Variants in RP1 observed in about 807,000 individuals in gnomAD.
RP1 encodes the protein RP1 axonemal microtubule associated, also known as oxygen-regulated protein 1.
RP1 carries 16 observed loss-of-function variants against 14.8 expected under a neutral mutation model. The ratio of observed to expected loss-of-function variants is 1.08; its 90% CI spans 0.73 to 1.65. The LOEUF (loss-of-function observed/expected upper bound fraction) is 1.65. Ranked by LOEUF, RP1 falls within the 40% of genes most tolerant of loss-of-function variation. RP1 has a pLI of 0.00. For missense variants in RP1, 2,631 were observed against 2,535.0 expected (o/e 1.04, Z -0.81); for synonymous variants, 876 against 883.6 (o/e 0.99, Z 0.15).
At chr8:54,611,915 A>C, upstream of RP1, among the ~76,000 whole-genome samples, 1 of 96,676 alleles carries the variant, frequency 1.0e-5, no homozygotes, top group Non-Finnish European at 1.9e-5. Context: ...CTTCCTTCCT[A>C]TTCCCCCCTG....
chr8:54,618,227 C>T (rs940721005), intron 1 of RP1, among the ~76,000 whole-genome samples: 3 of 152,182 alleles, frequency 2.0e-5, no homozygotes, highest in Non-Finnish European at 4.4e-5. Flanking sequence ...AGCACCTGCC[C>T]TTCATGCACT....
At chr8:54,774,895 CTCAA>C (rs919456371), downstream of RP1, among the ~76,000 whole-genome samples, 8 of 152,138 alleles carry the variant, frequency 5.3e-5, no homozygotes, top group Non-Finnish European at 1.2e-4. Flanking sequence ...AATAGACTTA[CTCAA>C]TCAGAGTATG....
At chr8:54,863,557 A>G (rs1393982170) in intron 27 of RP1, among the ~76,000 whole-genome samples, 2 of 152,214 alleles carry the variant, frequency 1.3e-5, no homozygotes, top group African/African-American at 2.4e-5. Context: ...GGATGGAATC[A>G]ACTTTCATTC....
intron 26 of RP1, among the ~76,000 whole-genome samples, chr8:54,855,967 ACACACC>A (rs144860385): frequency 0.37 from 48,193 of 131,750 alleles, 7,972 homozygotes; most frequent in East Asian, 0.55. Context: ...ACACACACAC[ACACACC>A]CCCTATAACC....
Position 54,622,247 on chromosome 8 carries a change from G to T in RP1, c.746G>T (p.Arg249Leu), listed in dbSNP as rs373574136. The T allele has an allele frequency of 1.2e-6, 2 of 1,614,086 alleles. No homozygotes were observed. The highest frequency in any genetic ancestry group is 1.7e-6 in the Non-Finnish European group (2 of 1,180,014). ...GCTAGATTACCAGGGATCTCTCAGC[G>T]TGTGTACCCCAAGGGAAATGCAAAG... ...LPARLPGISQ[R>L]VYPKGNAKSE... The change falls in exon 3 of 4, where the codon CGT becomes CTT. Residue 249 changes from arginine (R) to leucine (L), a missense_variant. Coordinates refer to ENST00000220676, the MANE Select transcript of RP1 (RefSeq NM_006269.2).
intron 24 of RP1, among the ~76,000 whole-genome samples, chr8:54,789,081 C>T (rs939670293): frequency 3.3e-5 from 5 of 152,160 alleles, no homozygotes; most frequent in Non-Finnish European, 7.3e-5. Flanking sequence ...ACAGGGTATA[C>T]TGAGGGACTT....
intron 1 of RP1, among the ~76,000 whole-genome samples, chr8:54,572,279 C>A (rs1804540554): frequency 6.6e-6 from 1 of 152,234 alleles, no homozygotes; most frequent in African/African-American, 2.4e-5. Flanking sequence ...CGGCATCAGG[C>A]CCACTTGACT....
At chr8:54,654,750 C>T (rs1326174567) in intron 5 of RP1, among the ~76,000 whole-genome samples, 1 of 152,050 alleles carries the variant, frequency 6.6e-6, no homozygotes, top group East Asian at 1.9e-4. Context: ...CAGGCTCAAG[C>T]GATCCTCCCA....
intron 24 of RP1, among the ~76,000 whole-genome samples, chr8:54,832,016 C>A (rs1257868156): frequency 6.6e-5 from 10 of 151,764 alleles, no homozygotes; most frequent in Non-Finnish European, 1.5e-4. Context: ...GCAAAAATAG[C>A]CACTATTCTT....
At chr8:54,679,860 G>C (rs1201760951) in exon 12 of RP1, 1 of 1,535,926 alleles carries the variant, frequency 6.5e-7, no homozygotes, top group Non-Finnish European at 8.7e-7. Flanking sequence ...TCTATAACAA[G>C]CTGACTGGAG....
chr8:54,813,845 G>A (rs1172820383), intron 24 of RP1, among the ~76,000 whole-genome samples: 1 of 152,190 alleles, frequency 6.6e-6, no homozygotes, highest in Non-Finnish European at 1.5e-5. Context: ...TTATCTCTCA[G>A]AATAGAATTG....
intron 6 of RP1, chr8:54,663,653 T>G: frequency 6.9e-7 from 1 of 1,451,506 alleles, no homozygotes; most frequent in Admixed American, 2.8e-5. Flanking sequence ...TTTTCTGTTA[T>G]ATGAGTACTG....
chr8:54,702,878 A>C (rs1464493631), intron 14 of RP1, among the ~76,000 whole-genome samples: 1 of 152,228 alleles, frequency 6.6e-6, no homozygotes, highest in East Asian at 1.9e-4. Flanking sequence ...CTGTTTCAAC[A>C]AATTACATTC....
At chr8:54,604,620 A>T (rs988763587) in intron 1 of RP1, among the ~76,000 whole-genome samples, 19 of 152,230 alleles carry the variant, frequency 1.2e-4, no homozygotes, top group African/African-American at 3.8e-4. Flanking sequence ...ATGATACCAG[A>T]TCCTCCTTGT....
intron 19 of RP1, among the ~76,000 whole-genome samples, chr8:54,744,295 C>T (rs1400549856): frequency 3.3e-5 from 5 of 152,064 alleles, no homozygotes; most frequent in South Asian, 2.1e-4. Context: ...GAAGCCACAG[C>T]GCAGGCCTAT....
intron 22 of RP1, among the ~76,000 whole-genome samples, chr8:54,762,205 G>C (rs373098515): frequency 2.0e-5 from 3 of 152,038 alleles, no homozygotes; most frequent in African/African-American, 7.3e-5. Flanking sequence ...AGAAAATCTC[G>C]GTCATGCTCC....
chr8:54,730,405 C>T (rs1339313922), intron 17 of RP1, among the ~76,000 whole-genome samples: 2 of 151,954 alleles, frequency 1.3e-5, no homozygotes, highest in East Asian at 3.9e-4. Flanking sequence ...GACTCTTCAC[C>T]TTTATGAATA....
At chr8:54,675,658 A>G (rs546566335) in intron 8 of RP1, among the ~76,000 whole-genome samples, 6 of 152,308 alleles carry the variant, frequency 3.9e-5, no homozygotes, top group African/African-American at 1.4e-4. Context: ...AAAAGTAAAA[A>G]AAAATTAGTC....
At chr8:54,843,131 G>A (rs762558611) in intron 25 of RP1, among the ~76,000 whole-genome samples, 1 of 152,144 alleles carries the variant, frequency 6.6e-6, no homozygotes, top group South Asian at 2.1e-4. Context: ...CACTCTCTGG[G>A]TTCAAGGGAT....
Sources: allele counts gnomAD v4.1 joint callset (sites outside exome capture counted in the v4.1 genomes callset), GRCh38; gene constraint gnomAD v4.1.1; transcripts MANE v1.5; gene names NCBI Gene and HGNC (gene_info 2026-07-23, HGNC 2026-07-21).